Variants in ROBO1 observed in about 807,000 individuals in gnomAD.
ROBO1 encodes the protein roundabout guidance receptor 1.
Under a neutral mutation model 195.9 loss-of-function variants are expected in ROBO1, and 149 were observed. The observed-to-expected ratio is 0.76, with a 90% confidence interval of 0.67 to 0.87. ROBO1 has a LOEUF of 0.87. ROBO1 is among the 40% of genes least tolerant of loss of function. The probability of loss-of-function intolerance (pLI) is 0.00; values close to 1 mark genes in which losing one functional copy is unlikely to be tolerated. For missense variants in ROBO1, 1,933 were observed against 2,068.3 expected, an observed-to-expected ratio of 0.93 and a Z score of 1.27; for synonymous variants, 816 against 733.2, an observed-to-expected ratio of 1.11 and a Z score of -1.82.
In ROBO1 at chr3:79,061,974, G is replaced by A. The variant is rs147759984; in HGVS notation, c.172+63482C>T. Among the ~76,000 whole-genome samples, 1,105 of 151,808 alleles carry A rather than the reference G, an allele frequency of 7.3e-3. 7 individuals are homozygous for A. Among genetic ancestry groups the A allele is most frequent in the Non-Finnish European group, 0.012 (812 of 67,978 alleles). ...TCATGACTAAAACACCAAAAGTAAT[G>A]GCAACAAAAGCCAAAATAGACAAAT... On this transcript the variant is annotated intron_variant, in intron 3 of 30. Coordinates refer to ENST00000464233, the MANE Select transcript of ROBO1 (RefSeq NM_002941.4).
chr3:79,206,642 A>G (rs1006048211), intron 2 of ROBO1, among the ~76,000 whole-genome samples: 9 of 152,196 alleles, frequency 5.9e-5, no homozygotes, highest in African/African-American at 2.2e-4. Flanking sequence ...TGTTGCTTGC[A>G]GCTGAAAGAG....
intron 2 of ROBO1, among the ~76,000 whole-genome samples, chr3:79,475,412 G>A (rs1335237225): frequency 6.6e-6 from 1 of 151,644 alleles, no homozygotes; most frequent in Non-Finnish European, 1.5e-5. Flanking sequence ...TTTATTAAAG[G>A]GTAAGAAATA....
At chr3:79,730,836 A>G (rs1703116269) in intron 1 of ROBO1, among the ~76,000 whole-genome samples, 1 of 126,036 alleles carries the variant, frequency 7.9e-6, no homozygotes, top group Non-Finnish European at 1.5e-5. Flanking sequence ...GGAGTGCAGT[A>G]GCGCAGTCTT....
chr3:79,235,532 T>C (rs1270920692), intron 2 of ROBO1, among the ~76,000 whole-genome samples: 1 of 152,098 alleles, frequency 6.6e-6, no homozygotes, highest in Non-Finnish European at 1.5e-5. Flanking sequence ...TGGGAATAGC[T>C]CACATCAAAT....
intron 2 of ROBO1, among the ~76,000 whole-genome samples, chr3:79,129,253 A>T (rs1248074890): frequency 1.3e-5 from 2 of 152,166 alleles, no homozygotes; most frequent in Admixed American, 6.6e-5. Context: ...TTCAGTAAAA[A>T]GTTAGCATCT....
At chr3:79,521,051 C>T (rs1941186543) in intron 2 of ROBO1, among the ~76,000 whole-genome samples, 1 of 152,106 alleles carries the variant, frequency 6.6e-6, no homozygotes, top group South Asian at 2.1e-4. Flanking sequence ...ATTGAATAAT[C>T]TTTGAGACCC....
intron 1 of ROBO1, among the ~76,000 whole-genome samples, chr3:79,712,878 A>C (rs1469111222): frequency 6.6e-6 from 1 of 152,092 alleles, no homozygotes; most frequent in East Asian, 1.9e-4. Context: ...TCTATAAATG[A>C]AAAAACAAAG....
intron 18 of ROBO1, among the ~76,000 whole-genome samples, chr3:78,656,728 C>T (rs1358553477): frequency 6.6e-6 from 1 of 152,018 alleles, no homozygotes; most frequent in Non-Finnish European, 1.5e-5. Flanking sequence ...CGGAGGTATC[C>T]TTGGTGCTCA....
chr3:78,746,973 G>T, intron 4 of ROBO1, 73 bp from the exon 5 acceptor site: 1 of 1,006,370 alleles, frequency 9.9e-7, no homozygotes, highest in Non-Finnish European at 1.3e-6. Flanking sequence ...TTCAGCAGGA[G>T]ACATTTATTA....
intron 30 of ROBO1, among the ~76,000 whole-genome samples, chr3:78,599,690 A>C (rs1284836130): frequency 6.6e-6 from 1 of 152,158 alleles, no homozygotes; most frequent in African/African-American, 2.4e-5. Context: ...GGTGAAGGAC[A>C]GTTAGCCAAA....
At chr3:79,307,248 C>A (rs548849169) in intron 2 of ROBO1, among the ~76,000 whole-genome samples, 1 of 152,042 alleles carries the variant, frequency 6.6e-6, no homozygotes, top group South Asian at 2.1e-4. Flanking sequence ...CTGGACCCCT[C>A]TGAGATGTCC....
At chr3:79,102,362 C>G (rs568204101) in intron 3 of ROBO1, among the ~76,000 whole-genome samples, 3 of 151,688 alleles carry the variant, frequency 2.0e-5, no homozygotes, top group East Asian at 3.9e-4. Flanking sequence ...TGTAATGTAA[C>G]AAGAGGCCAA....
chr3:79,452,149 CAATTT>C (rs1253685832), intron 2 of ROBO1, among the ~76,000 whole-genome samples: 3 of 152,046 alleles, frequency 2.0e-5, no homozygotes, highest in Non-Finnish European at 4.4e-5. Context: ...TGTCTCACTC[CAATTT>C]ATTTTCCATA....
At chr3:78,602,966 C>T (rs1004947559) in intron 29 of ROBO1, among the ~76,000 whole-genome samples, 1 of 152,140 alleles carries the variant, frequency 6.6e-6, no homozygotes, top group East Asian at 1.9e-4. Context: ...TAAGTGTATC[C>T]TTTCCACATG....
At chr3:79,173,557 C>T (rs2108704631) in intron 2 of ROBO1, among the ~76,000 whole-genome samples, 1 of 152,252 alleles carries the variant, frequency 6.6e-6, no homozygotes, top group South Asian at 2.1e-4. Context: ...TATCTGCCTT[C>T]CCACAGGGCA....
At chr3:79,528,207 A>G (rs1012628084) in intron 2 of ROBO1, among the ~76,000 whole-genome samples, 1 of 152,218 alleles carries the variant, frequency 6.6e-6, no homozygotes, top group Non-Finnish European at 1.5e-5. Context: ...AAAATCAATT[A>G]TGTGAAATCA....
At chr3:79,019,538 C>T (rs1255454447) in intron 3 of ROBO1, 11 of 985,910 alleles carry the variant, frequency 1.1e-5, no homozygotes, top group East Asian at 2.3e-4. Context: ...CTTAAAGGGG[C>T]CGCGTGGTCC....
intron 3 of ROBO1, among the ~76,000 whole-genome samples, chr3:78,974,021 T>C (rs1416216208): frequency 6.6e-6 from 1 of 152,138 alleles, no homozygotes; most frequent in Non-Finnish European, 1.5e-5. Flanking sequence ...CTGTTAAGTA[T>C]TCACCAAATC....
intron 2 of ROBO1, among the ~76,000 whole-genome samples, chr3:79,230,640 C>T (rs540363258): frequency 1.3e-5 from 2 of 152,182 alleles, no homozygotes; most frequent in East Asian, 3.9e-4. Flanking sequence ...AAATCCCATG[C>T]TCATGGATAG....
Sources: gnomAD v4.1 joint callset for allele counts (sites outside exome capture counted in the v4.1 genomes callset) on GRCh38, gnomAD v4.1.1 for gene constraint, MANE v1.5 for transcripts, NCBI Gene and HGNC (gene_info 2026-07-23, HGNC 2026-07-21) for gene names.